Variants in PARD3B observed in about 807,000 individuals in gnomAD.
PARD3B encodes par-3 family cell polarity regulator beta, also known as partitioning defective 3 homolog B.
Under a neutral mutation model 130.2 loss-of-function variants are expected in PARD3B, and 103 were observed. The ratio of observed to expected loss-of-function variants is 0.79; its 90% CI spans 0.67 to 0.93. PARD3B has a LOEUF of 0.93. Ranked by LOEUF, PARD3B falls within the 40% of genes least tolerant of loss-of-function variation. The pLI is 0.00. For missense variants in PARD3B, 1,609 were observed against 1,499.2 expected, an observed-to-expected ratio of 1.07 and a Z score of -1.21; for synonymous variants, 583 against 553.2, an observed-to-expected ratio of 1.05 and a Z score of -0.76.
chr2:205,375,562 G>C lies in PARD3B; in HGVS notation c.2631-25451G>C, dbSNP rs1427984679. On this transcript the variant is annotated intron_variant, in intron 18 of 22. Transcript: ENST00000406610. ...GTGTGGAAAAGGGACTAGAGTAGGAGAGATTTGTGGCAAGACATTGAGTCA... is the reference window on the plus strand; with the variant it reads ...GTGTGGAAAAGGGACTAGAGTAGGACAGATTTGTGGCAAGACATTGAGTCA... 2.6e-5 allele frequency among the ~76,000 whole-genome samples: 4 copies of C among 152,164 alleles called. No homozygotes were observed. The East Asian group carries it at 7.7e-4, about 29-fold the overall frequency.
intron 2 of PARD3B, among the ~76,000 whole-genome samples, chr2:204,744,384 A>C (rs1169909149): frequency 1.3e-5 from 2 of 152,216 alleles, no homozygotes; most frequent in Non-Finnish European, 2.9e-5. Flanking sequence ...TTGGGGTTTT[A>C]ATTGATATAA....
chr2:205,607,831 T>TACCCATAC, intron 22 of PARD3B, among the ~76,000 whole-genome samples: 1 of 116,232 alleles, frequency 8.6e-6, no homozygotes, highest in East Asian at 2.4e-4. Flanking sequence ...CCAACACCCA[T>TACCCATAC]ACACACACAC....
intron 1 of PARD3B, among the ~76,000 whole-genome samples, chr2:204,563,930 T>A (rs2031507905): frequency 6.6e-6 from 1 of 151,884 alleles, no homozygotes; most frequent in Non-Finnish European, 1.5e-5. Flanking sequence ...CCCGCCACCA[T>A]GCCCGGCTAA....
chr2:204,941,937 A>T (rs1688938537), intron 2 of PARD3B, among the ~76,000 whole-genome samples: 1 of 152,166 alleles, frequency 6.6e-6, no homozygotes, highest in Admixed American at 6.5e-5. Context: ...CAGAACTTGA[A>T]CTTAGTCATT....
chr2:205,063,352 T>A (rs142735533), intron 4 of PARD3B, among the ~76,000 whole-genome samples: 2 of 152,120 alleles, frequency 1.3e-5, no homozygotes. Flanking sequence ...TTTTATATTT[T>A]AAAAAATAAA....
chr2:205,094,291 A>T (rs1024658503), intron 4 of PARD3B, among the ~76,000 whole-genome samples: 3 of 152,164 alleles, frequency 2.0e-5, no homozygotes, highest in African/African-American at 7.2e-5. Context: ...AGATATATGA[A>T]GGTCATAGGA....
chr2:204,639,535 CT>C (rs1349374310), intron 1 of PARD3B, among the ~76,000 whole-genome samples: 1 of 152,242 alleles, frequency 6.6e-6, no homozygotes, highest in Admixed American at 6.5e-5. Context: ...ACAGTGCAGA[CT>C]TTTTTCTTGT....
chr2:205,474,377 T>C (rs892036807), intron 20 of PARD3B, among the ~76,000 whole-genome samples: 4 of 152,168 alleles, frequency 2.6e-5, no homozygotes, highest in Admixed American at 2.0e-4. Flanking sequence ...ATATAAAATA[T>C]ATCATTTGTG....
chr2:205,238,305 A>G (rs1318234548), intron 15 of PARD3B, among the ~76,000 whole-genome samples: 7 of 152,154 alleles, frequency 4.6e-5, no homozygotes, highest in Admixed American at 2.6e-4. Flanking sequence ...TGCATGGCCT[A>G]CTTAAAAACC....
Position 204,998,338 on chromosome 2 carries a change from ATATATATATATATATATATATG to A in PARD3B, c.394+33017_394+33038del, listed in dbSNP as rs1307663081. 4.7e-4 allele frequency among the ~76,000 whole-genome samples: 33 copies of A among 70,950 alleles called. 2 individuals carry two copies. The highest frequency in any genetic ancestry group is 1.9e-3 in the African/African-American group (28 of 14,832). 46.5% of individuals were successfully genotyped at this position (70,950 alleles called of 152,430 possible). On this transcript the variant is annotated intron_variant, in intron 3 of 22. Transcript: ENST00000406610. ...TATATATATATATATATATATATAT[ATATATATATATATATATATATG>A]TGTGTGTGTGTGTGTATATATGTGT...
rs924930152 is a variant in PARD3B at position 205,230,629 on chromosome 2, C to T, written c.2141-15149C>T. On this transcript the variant is annotated intron_variant, in intron 15 of 22. Coordinates refer to ENST00000406610, the MANE Select transcript of PARD3B (RefSeq NM_001302769.2). This position sits in a 1 kb window ranked among gnomAD's most constrained non-coding sequence, Gnocchi z 4.1. ...GGAGTGGTGCAAGCACTGCATTAGC[C>T]GCCCAACGGCTGTCTCACTAGGTTA... Among the ~76,000 whole-genome samples the T allele has an allele frequency of 3.3e-5, 5 of 152,114 alleles. No individual in the cohort carries two copies. The highest frequency in any genetic ancestry group is 1.3e-4 in the Admixed American group (2 of 15,276).
intron 21 of PARD3B, among the ~76,000 whole-genome samples, chr2:205,545,379 G>T (rs2052338015): frequency 6.6e-6 from 1 of 152,138 alleles, no homozygotes; most frequent in African/African-American, 2.4e-5. Context: ...CTAGGTAAGA[G>T]CAATGGAATT....
intron 19 of PARD3B, among the ~76,000 whole-genome samples, chr2:205,404,355 C>T (rs2106026019): frequency 6.6e-6 from 1 of 152,130 alleles, no homozygotes; most frequent in East Asian, 1.9e-4. Context: ...AGAGGATATA[C>T]ATAGGTTATA....
At chr2:205,514,910 T>C (rs572612755) in intron 21 of PARD3B, among the ~76,000 whole-genome samples, 1 of 150,598 alleles carries the variant, frequency 6.6e-6, no homozygotes, top group Non-Finnish European at 1.5e-5. Flanking sequence ...GTCACGGGGG[T>C]TTGTTGGACA....
intron 1 of PARD3B, among the ~76,000 whole-genome samples, chr2:204,629,971 A>T (rs1008390933): frequency 2.0e-5 from 3 of 152,212 alleles, no homozygotes; most frequent in African/African-American, 7.2e-5. Context: ...AGATATCTCC[A>T]AACCTGAGAA....
intron 21 of PARD3B, among the ~76,000 whole-genome samples, chr2:205,518,074 G>A (rs1450042624): frequency 2.0e-5 from 3 of 152,130 alleles, no homozygotes; most frequent in Non-Finnish European, 4.4e-5. Flanking sequence ...TTTGGGTGGA[G>A]AGTTGTATAG....
chr2:204,871,758 A>T (rs1279967367), intron 2 of PARD3B, among the ~76,000 whole-genome samples: 2 of 152,066 alleles, frequency 1.3e-5, no homozygotes, highest in African/African-American at 4.8e-5. Flanking sequence ...GTAATTCTGC[A>T]TTATTTTCTA....
At chr2:204,740,133 C>T (rs2039940761) in intron 2 of PARD3B, among the ~76,000 whole-genome samples, 3 of 152,020 alleles carry the variant, frequency 2.0e-5, no homozygotes, top group Admixed American at 6.6e-5. Flanking sequence ...ACTGCCTCAA[C>T]ATCCCAGGTA....
chr2:204,846,207 T>TA (rs1285243176), intron 2 of PARD3B, among the ~76,000 whole-genome samples: 1 of 152,066 alleles, frequency 6.6e-6, no homozygotes. Context: ...TTAAGATTGG[T>TA]AAAATGGATA....
Sources: allele counts gnomAD v4.1 joint callset (sites outside exome capture counted in the v4.1 genomes callset), GRCh38; gene constraint gnomAD v4.1.1; non-coding constraint Gnocchi (gnomAD v3.1); transcripts MANE v1.5; gene names NCBI Gene and HGNC (gene_info 2026-07-23, HGNC 2026-07-21).